GRID1: variants seen among roughly 807,000 people sequenced by gnomAD.
GRID1 encodes the protein glutamate ionotropic receptor delta type subunit 1.
A neutral mutation model predicts 98.0 loss-of-function variants in GRID1; 28 were observed. The observed-to-expected ratio is 0.29, with a 90% CI of 0.21 to 0.39. GRID1 has a LOEUF of 0.39. GRID1 is among the 10% of genes least tolerant of loss of function. The pLI is 1.00. For missense variants in GRID1, 1,111 were observed against 1,340.5 expected (o/e 0.83, Z 2.67); for synonymous variants, 553 against 538.5 (o/e 1.03, Z -0.37).
At chr10:86,351,743 G>C (rs1384051010) in intron 2 of GRID1, among the ~76,000 whole-genome samples, 2 of 152,176 alleles carry the variant, frequency 1.3e-5, no homozygotes, top group Non-Finnish European at 2.9e-5. Context: ...CATCAGCAGA[G>C]CATCCAGAAC....
At chr10:86,147,630 C>T (rs11201908) in intron 3 of GRID1, among the ~76,000 whole-genome samples, 4,026 of 152,276 alleles carry the variant, frequency 0.026, 180 homozygotes, top group African/African-American at 0.091. Context: ...GGGTAACTGG[C>T]TAGCCATATG....
At chr10:85,771,051 A>T (rs1210994206) in intron 8 of GRID1, among the ~76,000 whole-genome samples, 1 of 152,170 alleles carries the variant, frequency 6.6e-6, no homozygotes, top group Non-Finnish European at 1.5e-5. Context: ...TGAAGGAAAA[A>T]ATGTTAAGGG....
intron 5 of GRID1, among the ~76,000 whole-genome samples, chr10:85,885,537 T>G (rs1841104176): frequency 6.6e-6 from 1 of 152,332 alleles, no homozygotes; most frequent in East Asian, 1.9e-4. Context: ...TTTTTGCTAA[T>G]TATGAGAACA....
At chr10:86,215,792 TC>T (rs977020110) in intron 2 of GRID1, among the ~76,000 whole-genome samples, 1 of 152,136 alleles carries the variant, frequency 6.6e-6, no homozygotes. Flanking sequence ...TCCCAGCCCT[TC>T]TTTCTCCAAC....
At chr10:86,044,376 T>C (rs1010273165) in intron 4 of GRID1, among the ~76,000 whole-genome samples, 3 of 152,350 alleles carry the variant, frequency 2.0e-5, no homozygotes, top group East Asian at 1.9e-4. Flanking sequence ...GTGAGTGACT[T>C]TACCTCGGTT....
At chr10:85,734,143 A>T (rs1163948760) in intron 8 of GRID1, among the ~76,000 whole-genome samples, 1 of 152,148 alleles carries the variant, frequency 6.6e-6, no homozygotes, top group Non-Finnish European at 1.5e-5. Context: ...ATTTTGGTCT[A>T]GGGGTGCTTT....
chr10:85,620,673 A>G (rs1425763011), intron 13 of GRID1, among the ~76,000 whole-genome samples: 2 of 152,170 alleles, frequency 1.3e-5, no homozygotes, highest in Non-Finnish European at 2.9e-5. Flanking sequence ...GGCTTCTGCC[A>G]CTTGTCTTTT....
At chr10:86,074,173 G>A (rs954253069) in intron 4 of GRID1, among the ~76,000 whole-genome samples, 9 of 152,184 alleles carry the variant, frequency 5.9e-5, no homozygotes, top group African/African-American at 7.2e-5. Context: ...TATGTGTAGC[G>A]ATCAAGCCAT....
intron 8 of GRID1, among the ~76,000 whole-genome samples, chr10:85,783,157 G>A (rs1345452050): frequency 6.6e-6 from 1 of 152,312 alleles, no homozygotes; most frequent in East Asian, 1.9e-4. Flanking sequence ...TTTTGGCATT[G>A]TAATTAGAAA....
At chr10:86,251,413 G>T (rs954529134) in intron 2 of GRID1, among the ~76,000 whole-genome samples, 1 of 151,392 alleles carries the variant, frequency 6.6e-6, no homozygotes, top group Non-Finnish European at 1.5e-5. Flanking sequence ...ACATATTTAT[G>T]CCAAATTACT....
chr10:85,992,615 TG>T (rs553943841), intron 4 of GRID1, among the ~76,000 whole-genome samples: 1 of 144,076 alleles, frequency 6.9e-6, no homozygotes, highest in South Asian at 2.3e-4. Context: ...TGAGGAGAGG[TG>T]GGGGGGGAAC....
intron 4 of GRID1, among the ~76,000 whole-genome samples, chr10:86,067,009 C>T (rs1564664752): frequency 3.9e-5 from 6 of 152,188 alleles, no homozygotes; most frequent in Admixed American, 6.5e-5. Context: ...TATCAATCAC[C>T]CCTTCCTTAA....
chr10:85,725,097 G>A (rs1275117106), intron 10 of GRID1, among the ~76,000 whole-genome samples: 1 of 151,512 alleles, frequency 6.6e-6, no homozygotes, highest in Non-Finnish European at 1.5e-5. Flanking sequence ...AAGACCAGAG[G>A]CACACTCCAT....
intron 8 of GRID1, among the ~76,000 whole-genome samples, chr10:85,773,108 C>G (rs1842290301): frequency 1.3e-5 from 2 of 152,206 alleles, no homozygotes; most frequent in Non-Finnish European, 2.9e-5. Context: ...AGCAGCACAT[C>G]AAAAACCTTA....
Position 86,317,043 on chromosome 10 carries a change from G to A in GRID1, c.235+46898C>T, listed in dbSNP as rs373322941. Among the ~76,000 whole-genome samples, 4 of 152,272 alleles carry A rather than the reference G, an allele frequency of 2.6e-5. No individual in the cohort carries two copies. The East Asian group carries it at 7.7e-4, about 29-fold the overall frequency. On this transcript the variant is annotated intron_variant, in intron 2 of 15. Transcript: ENST00000327946. ...GCAATTCTGATCCACGTGGCCCTAG[G>A]ACCACTCAGTACAGAACAACACACA... is the stretch of plus-strand genomic sequence containing the variant.
chr10:86,006,588 A>G (rs568121238), intron 4 of GRID1, among the ~76,000 whole-genome samples: 1 of 152,120 alleles, frequency 6.6e-6, no homozygotes, highest in Non-Finnish European at 1.5e-5. Context: ...ACTGCACTCC[A>G]GCCTGGCGAC....
chr10:86,290,390 G>C (rs1231708199), intron 2 of GRID1, among the ~76,000 whole-genome samples: 2 of 152,220 alleles, frequency 1.3e-5, no homozygotes, highest in Admixed American at 6.5e-5. Context: ...GCTCATACCT[G>C]TAATTCCAGC....
intron 3 of GRID1, among the ~76,000 whole-genome samples, chr10:86,178,818 A>G (rs1026904606): frequency 2.6e-5 from 4 of 151,884 alleles, no homozygotes; most frequent in Non-Finnish European, 5.9e-5. Flanking sequence ...TAGCCCAGAG[A>G]CCCTCAAAGC....
chr10:86,302,481 A>G (rs1345991543), intron 2 of GRID1, among the ~76,000 whole-genome samples: 1 of 152,134 alleles, frequency 6.6e-6, no homozygotes, highest in East Asian at 1.9e-4. Flanking sequence ...TCTGCCTACA[A>G]CCTCACATGG....
Sources: allele counts gnomAD v4.1 joint callset (sites outside exome capture counted in the v4.1 genomes callset), GRCh38; gene constraint gnomAD v4.1.1; transcripts MANE v1.5; gene names NCBI Gene and HGNC (gene_info 2026-07-23, HGNC 2026-07-21).